The following CADM1 variants were observed in gnomAD, a reference collection of about 807,000 sequenced individuals.
CADM1 encodes TSLC-1.
A neutral mutation model predicts 53.1 loss-of-function variants in CADM1; 15 were observed. That is an observed-to-expected ratio of 0.28 (90% CI 0.19 to 0.44). The LOEUF is 0.44. Among genes scored for constraint, CADM1 ranks in the 20% least tolerant of loss-of-function variants. The probability of loss-of-function intolerance (pLI) is 1.00; values close to 1 mark genes in which losing one functional copy is unlikely to be tolerated. For missense variants in CADM1, 434 were observed against 611.3 expected (o/e 0.71, Z 3.06); for synonymous variants, 281 against 243.0 (o/e 1.16, Z -1.45).
intron 1 of CADM1, among the ~76,000 whole-genome samples, chr11:115,404,341 AAAAAAATATATATATATATAT>A (rs1220680576): frequency 4.7e-5 from 2 of 42,484 alleles, no homozygotes; most frequent in African/African-American, 1.5e-4. Context: ...AAAAAAAAAA[AAAAAAATATATATATATATAT>A]ATATATATAT....
intron 5 of CADM1, among the ~76,000 whole-genome samples, chr11:115,221,478 G>C (rs1248249482): frequency 6.6e-6 from 1 of 152,156 alleles, no homozygotes; most frequent in African/African-American, 2.4e-5. Flanking sequence ...ATTCTGATTT[G>C]ATGAGACTTT....
intron 5 of CADM1, among the ~76,000 whole-genome samples, chr11:115,222,733 G>T (rs1457030891): frequency 1.3e-5 from 2 of 152,104 alleles, no homozygotes; most frequent in Non-Finnish European, 2.9e-5. Context: ...TTTCAGGTAG[G>T]TTTGTGGGTA....
chr11:115,338,868 ATTTT>A (rs67757705), intron 1 of CADM1, among the ~76,000 whole-genome samples: 47,776 of 114,396 alleles, frequency 0.42, 8,817 homozygotes, highest in Non-Finnish European at 0.51. Flanking sequence ...ACCTTCTTTT[ATTTT>A]TTTTATTTTT....
At chr11:115,250,070 A>AT (rs1283222664) in intron 1 of CADM1, among the ~76,000 whole-genome samples, 2 of 151,956 alleles carry the variant, frequency 1.3e-5, no homozygotes, top group African/African-American at 4.8e-5. Flanking sequence ...ACCCTGGCTA[A>AT]TTTTTTGTAT....
intron 1 of CADM1, among the ~76,000 whole-genome samples, chr11:115,356,755 A>G (rs1231576082): frequency 1.3e-5 from 2 of 152,224 alleles, no homozygotes; most frequent in African/African-American, 4.8e-5. Flanking sequence ...AACTTTTGTC[A>G]GTGTTTGTGT....
In CADM1 at chr11:115,170,576, T is replaced by C. The variant is rs1033890901; in HGVS notation, c.*5898A>G. On this transcript the variant is annotated 3_prime_UTR_variant, in exon 12 of 12. Coordinates refer to ENST00000331581, the MANE Select transcript of CADM1 (RefSeq NM_001301043.2). ...AGGTCTCAGTTCAGGGATGCTCATG[T>C]GTAATGATGTGAGTGTTGGGTGGGG... The C allele has an allele frequency of 7.1e-6, 1 of 140,908 alleles. No homozygotes were observed. Among genetic ancestry groups the C allele is most frequent in the Admixed American group, 7.6e-5 (1 of 13,136 alleles). The allele number at this position is 140,908 out of a possible 1,614,324, so 8.7% of individuals were successfully genotyped here.
At chr11:115,207,622 C>A (rs140024364) in intron 8 of CADM1, among the ~76,000 whole-genome samples, 1 of 151,824 alleles carries the variant, frequency 6.6e-6, no homozygotes, top group Non-Finnish European at 1.5e-5. Context: ...GAAGGCCAGC[C>A]GCAAATGAAA....
chr11:115,221,166 T>A (rs1941391953), intron 5 of CADM1, among the ~76,000 whole-genome samples: 1 of 152,222 alleles, frequency 6.6e-6, no homozygotes, highest in South Asian at 2.1e-4. Flanking sequence ...TCACTCAGAA[T>A]GGCTTAATGT....
At chr11:115,313,612 A>G (rs1418562646) in intron 1 of CADM1, among the ~76,000 whole-genome samples, 1 of 151,946 alleles carries the variant, frequency 6.6e-6, no homozygotes, top group Non-Finnish European at 1.5e-5. Flanking sequence ...CACTAAATCC[A>G]TTTTCCTCTT....
intron 1 of CADM1, among the ~76,000 whole-genome samples, chr11:115,380,948 A>C (rs1946559921): frequency 6.6e-6 from 1 of 152,156 alleles, no homozygotes; most frequent in Admixed American, 6.5e-5. Flanking sequence ...AAAAATCCAA[A>C]ACAAACATAT....
At chr11:115,181,887 CA>C (rs1338643228) in intron 10 of CADM1, among the ~76,000 whole-genome samples, 3 of 152,172 alleles carry the variant, frequency 2.0e-5, no homozygotes, top group East Asian at 1.9e-4. Flanking sequence ...AGATGCTGCC[CA>C]GGGGGGAACT....
chr11:115,253,841 A>C (rs975450528), intron 1 of CADM1, among the ~76,000 whole-genome samples: 1 of 152,210 alleles, frequency 6.6e-6, no homozygotes, highest in African/African-American at 2.4e-5. Context: ...TCTCAGTCTC[A>C]GTACTCATTA....
intron 1 of CADM1, among the ~76,000 whole-genome samples, chr11:115,311,220 T>C (rs530832118): frequency 6.6e-6 from 1 of 152,062 alleles, no homozygotes; most frequent in African/African-American, 2.4e-5. Flanking sequence ...CAACAACAAA[T>C]AGGTAATAAA....
rs1410599740 is a variant in CADM1 at position 115,174,636 on chromosome 11, C to G, written c.*1838G>C. The G allele has an allele frequency of 2.0e-6, 2 of 984,474 alleles. No homozygotes were observed. Among genetic ancestry groups the G allele is most frequent in the African/African-American group, 3.5e-5 (2 of 57,114 alleles). The allele number at this position is 984,474 out of a possible 1,614,324, so 61.0% of individuals were successfully genotyped here. A position where few individuals can be genotyped will look rare whatever the true frequency, so the allele number is the denominator to read the frequency against. On this transcript the variant is annotated 3_prime_UTR_variant, in exon 12 of 12. Coordinates refer to ENST00000331581, the MANE Select transcript of CADM1 (RefSeq NM_001301043.2). Reference sequence around the variant, plus strand: ...GTTTTCAAATAACAAAGAGTTGACACTTTTTCCCCCTTAAATAAATCAGCA... The same window carrying G: ...GTTTTCAAATAACAAAGAGTTGACAGTTTTTCCCCCTTAAATAAATCAGCA...
intron 1 of CADM1, among the ~76,000 whole-genome samples, chr11:115,295,767 C>A (rs1944061916): frequency 1.3e-5 from 2 of 151,574 alleles, no homozygotes; most frequent in Non-Finnish European, 2.9e-5. Flanking sequence ...ATCAAACTAG[C>A]CTACAACATA....
At chr11:115,272,616 A>G (rs1439642341) in intron 1 of CADM1, among the ~76,000 whole-genome samples, 2 of 152,068 alleles carry the variant, frequency 1.3e-5, no homozygotes, top group East Asian at 3.9e-4. Context: ...TTCACAAATA[A>G]TTCCGTATTT....
intron 1 of CADM1, among the ~76,000 whole-genome samples, chr11:115,454,256 C>G (rs1948638976): frequency 6.6e-6 from 1 of 152,102 alleles, no homozygotes; most frequent in African/African-American, 2.4e-5. Context: ...TTATCTTTCA[C>G]TTGAGGAAGC....
At chr11:115,484,973 A>G (rs913326569) in intron 1 of CADM1, among the ~76,000 whole-genome samples, 5 of 152,080 alleles carry the variant, frequency 3.3e-5, no homozygotes, top group African/African-American at 9.6e-5. Flanking sequence ...AAAAGAAAAA[A>G]CAACCTGGAA....
intron 1 of CADM1, among the ~76,000 whole-genome samples, chr11:115,384,956 C>G (rs1591767075): frequency 6.6e-6 from 1 of 152,056 alleles, no homozygotes; most frequent in Admixed American, 6.6e-5. Flanking sequence ...GACAATACAG[C>G]TAAAAGACAT....
Sources: allele counts gnomAD v4.1 joint callset (sites outside exome capture counted in the v4.1 genomes callset), GRCh38; gene constraint gnomAD v4.1.1; transcripts MANE v1.5; gene names NCBI Gene and HGNC (gene_info 2026-07-23, HGNC 2026-07-21).